EPS8: variants seen among roughly 807,000 people sequenced by gnomAD.
The protein encoded by EPS8 is EGFR pathway substrate 8, signaling adaptor, also known as epidermal growth factor receptor kinase substrate 8.
A neutral mutation model predicts 103.8 loss-of-function variants in EPS8; 42 were observed. That is an observed-to-expected ratio of 0.40 (90% CI 0.32 to 0.52). The LOEUF is 0.52. Ranked by LOEUF, EPS8 falls within the 20% of genes least tolerant of loss-of-function variation. The pLI is 0.40. For missense variants in EPS8, 969 were observed against 1,005.1 expected (o/e 0.96, Z 0.49); for synonymous variants, 344 against 344.6 (o/e 1.00, Z 0.02).
chr12:15,657,232 T>A (rs968025051), intron 12 of EPS8, among the ~76,000 whole-genome samples: 1 of 152,220 alleles, frequency 6.6e-6, no homozygotes, highest in East Asian at 1.9e-4. Context: ...ATACGTTAAC[T>A]ATTCTTCGTC....
At chr12:15,647,061 C>A in intron 15 of EPS8, 66 bp downstream of exon 15, 1 of 1,451,854 alleles carries the variant, frequency 6.9e-7, no homozygotes. Flanking sequence ...GACACTGTCA[C>A]CTCTGTTAGC....
chr12:15,622,785 CAA>C (rs558885255), intron 20 of EPS8, among the ~76,000 whole-genome samples: 2 of 137,586 alleles, frequency 1.5e-5, no homozygotes, highest in African/African-American at 2.7e-5. Context: ...TTAGAATCTC[CAA>C]AAAAAAAAAA....
At position 15,752,965 on chromosome 12, in the gene EPS8, T is replaced by C. The variant is rs1322455644; in HGVS notation, c.-22+36196A>G. 6.6e-6 allele frequency among the ~76,000 whole-genome samples: 1 copy of C among 151,680 alleles called. No individual in the cohort carries two copies. The highest frequency in any genetic ancestry group is 2.4e-5 in the African/African-American group (1 of 41,194). ...AGTTACATTATGGTAAAAGGGGCAA[T>C]TGTGGGATAACCATCATTTATTTAT... is the stretch of plus-strand genomic sequence containing the variant. On this transcript the variant is annotated intron_variant, in intron 1 of 20. Transcript: ENST00000281172. The surrounding 1 kb of genome is among the most constrained non-coding windows in gnomAD (Gnocchi z 4.4).
At chr12:15,744,775 T>G (rs1946858988) in intron 1 of EPS8, among the ~76,000 whole-genome samples, 1 of 152,206 alleles carries the variant, frequency 6.6e-6, no homozygotes, top group African/African-American at 2.4e-5. Context: ...AAACAAGAAT[T>G]TAATTAAACC....
intron 10 of EPS8, among the ~76,000 whole-genome samples, chr12:15,658,848 G>C (rs772826696): frequency 6.6e-5 from 10 of 152,088 alleles, no homozygotes; most frequent in African/African-American, 1.7e-4. Flanking sequence ...GGCAGACATT[G>C]TGCAAGTGAG....
rs2135775758 is a variant in EPS8 at position 15,647,258 on chromosome 12, A to C, written c.1437T>G (p.His479Gln). 1 of 1,611,292 alleles carries C rather than the reference A, an allele frequency of 6.2e-7. No individual in the cohort carries two copies. Among genetic ancestry groups the C allele is most frequent in the African/African-American group, 1.3e-5 (1 of 74,976 alleles). The change falls in exon 15 of 21, where the codon CAT (histidine) becomes CAG (glutamine). Residue 479 changes from histidine to glutamine, a missense_variant and splice_region_variant. Transcript: ENST00000281172. ...CTGGATGATACTCTGATACACTGGA[A>C]TGCTGAAAGACAAAGTGGGGCAGAT... is the stretch of plus-strand genomic sequence containing the variant. The part of the protein sequence containing the change: ...KQEIKRLSTE[H>Q]SSVSEYHPAD...
intron 1 of EPS8, among the ~76,000 whole-genome samples, chr12:15,715,394 CTTTTTTTTTTTTTTTT>C (rs1190734253): frequency 7.9e-6 from 1 of 127,186 alleles, no homozygotes; most frequent in Non-Finnish European, 1.6e-5. Flanking sequence ...CTTTACTTTT[CTTTTTTTTTTTTTTTT>C]GAGATGGAGT....
intron 12 of EPS8, among the ~76,000 whole-genome samples, chr12:15,656,944 C>T (rs1945517214): frequency 6.6e-6 from 1 of 152,114 alleles, no homozygotes; most frequent in African/African-American, 2.4e-5. Flanking sequence ...TCCAATGCTA[C>T]CAGGTCCAAG....
At position 15,621,401 on chromosome 12, in the gene EPS8, T is replaced by C. The variant is rs772625465; in HGVS notation, c.2385A>G (p.Glu795=). 1 of 1,604,310 alleles carries C rather than the reference T, an allele frequency of 6.2e-7. No individual in the cohort carries two copies. The highest frequency in any genetic ancestry group is 1.3e-5 in the African/African-American group (1 of 74,208). ...TTTTTTCCTGTCGTCTTCTCATAATTTCTTGTAACTCGGAGCTGCCACTGC... is the reference window on the plus strand; with the variant it reads ...TTTTTTCCTGTCGTCTTCTCATAATCTCTTGTAACTCGGAGCTGCCACTGC... ...EDSSGSSELQ[E]IMRRRQEKIS... The change falls in exon 21 of 21, where the codon GAA becomes GAG. Residue 795 remains glutamate (E), a synonymous_variant. Transcript: ENST00000281172.
intron 7 of EPS8, among the ~76,000 whole-genome samples, chr12:15,666,199 T>C (rs556132593): frequency 1.3e-5 from 2 of 152,198 alleles, no homozygotes; most frequent in Non-Finnish European, 2.9e-5. Context: ...ATGCCACTCA[T>C]CTTTCATGAC....
intron 3 of EPS8, among the ~76,000 whole-genome samples, chr12:15,673,108 A>G (rs1945844809): frequency 6.6e-6 from 1 of 152,220 alleles, no homozygotes; most frequent in Admixed American, 6.5e-5. Context: ...AGAAATGAGA[A>G]GAAAAACTAT....
At chr12:15,664,615 A>G (rs980125978) in intron 8 of EPS8, among the ~76,000 whole-genome samples, 1 of 152,230 alleles carries the variant, frequency 6.6e-6, no homozygotes, top group Non-Finnish European at 1.5e-5. Flanking sequence ...TCAGAGTCCA[A>G]CTTTTACTCT....
In EPS8 at chr12:15,684,379, C is replaced by A. The variant is rs532571266; in HGVS notation, c.-21-1407G>T. The A allele has an allele frequency of 1.3e-5, 2 of 152,266 alleles. No homozygotes were observed. The highest frequency in any genetic ancestry group is 4.1e-4 in the South Asian group (2 of 4,820). 9.4% of individuals were successfully genotyped at this position (152,266 alleles called of 1,614,324 possible). A position where few individuals can be genotyped will look rare whatever the true frequency, so the allele number is the denominator to read the frequency against. On this transcript the variant is annotated intron_variant, in intron 1 of 20. Transcript: ENST00000281172. This position sits in a 1 kb window ranked among gnomAD's most constrained non-coding sequence, Gnocchi z 4.9. Reference sequence around the variant, plus strand: ...TTCAAAGCATTTATCACATTCATAACTTTTCCTTTACTTAAATTAATACCT... The same window carrying A: ...TTCAAAGCATTTATCACATTCATAAATTTTCCTTTACTTAAATTAATACCT...
chr12:15,633,549 G>A (rs1591805212), intron 17 of EPS8, among the ~76,000 whole-genome samples: 1 of 152,066 alleles, frequency 6.6e-6, no homozygotes, highest in East Asian at 1.9e-4. Flanking sequence ...TCACAATCAA[G>A]CCTGAAAACA....
intron 18 of EPS8, among the ~76,000 whole-genome samples, chr12:15,624,653 C>T (rs1483672169): frequency 6.6e-6 from 1 of 152,222 alleles, no homozygotes; most frequent in East Asian, 1.9e-4. Context: ...TTAAACCTAA[C>T]TTTCTGCGTA....
Position 15,752,363 on chromosome 12 carries a change from C to T in EPS8, c.-22+36798G>A, listed in dbSNP as rs186289513. ...AAGGGAGGCTAAGGCAGGAGAATGG[C>T]GTGAACCCGCGAGGCGGAGCTTGCA... On this transcript the variant is annotated intron_variant, in intron 1 of 20. Coordinates refer to ENST00000281172, the MANE Select transcript of EPS8 (RefSeq NM_004447.6). This position sits in a 1 kb window ranked among gnomAD's most constrained non-coding sequence, Gnocchi z 4.4. Among the ~76,000 whole-genome samples the T allele has an allele frequency of 1.2e-4, 19 of 152,020 alleles. No homozygotes were observed. Among genetic ancestry groups the T allele is most frequent in the African/African-American group, 2.9e-4 (12 of 41,436 alleles).
chr12:15,708,530 G>A (rs557209865), intron 1 of EPS8, among the ~76,000 whole-genome samples: 25 of 152,296 alleles, frequency 1.6e-4, no homozygotes, highest in Admixed American at 3.9e-4. Context: ...CATAACATGT[G>A]GCAAAGTGAG....
chr12:15,735,221 A>G lies in EPS8; in HGVS notation c.-21-52249T>C, dbSNP rs1393406198. On this transcript the variant is annotated intron_variant, in intron 1 of 20. Transcript: ENST00000281172. This position sits in a 1 kb window ranked among gnomAD's most constrained non-coding sequence, Gnocchi z 4.4. ...TTACGTTTCTACTTTAGTCCAATGA[A>G]GGCTAAGTTAAAGGTATTCTGCATG... is the stretch of plus-strand genomic sequence containing the variant. 6.6e-6 allele frequency among the ~76,000 whole-genome samples: 1 copy of G among 152,236 alleles called. No individual in the cohort carries two copies. Among genetic ancestry groups the G allele is most frequent in the Admixed American group, 6.5e-5 (1 of 15,290 alleles).
chr12:15,650,111 T>C (rs896811920), intron 14 of EPS8, among the ~76,000 whole-genome samples: 3 of 152,208 alleles, frequency 2.0e-5, no homozygotes, highest in African/African-American at 7.2e-5. Flanking sequence ...CTCAATTTCA[T>C]TCCCTCAACT....
Sources: gnomAD v4.1 joint callset for allele counts (sites outside exome capture counted in the v4.1 genomes callset) on GRCh38, gnomAD v4.1.1 for gene constraint, Gnocchi (gnomAD v3.1) non-coding constraint, MANE v1.5 for transcripts, NCBI Gene and HGNC (gene_info 2026-07-23, HGNC 2026-07-21) for gene names.